Variants in KCND3 observed in about 807,000 individuals in gnomAD.
The protein encoded by KCND3 is A-type voltage-gated potassium channel KCND3.
A neutral mutation model predicts 51.1 loss-of-function variants in KCND3; 9 were observed. That is an observed-to-expected ratio of 0.18 (90% CI 0.11 to 0.31). KCND3 has a LOEUF of 0.31. Among genes scored for constraint, KCND3 ranks in the 10% least tolerant of loss-of-function variants. The pLI is 1.00. For missense variants in KCND3, 526 were observed against 903.8 expected (o/e 0.58, Z 5.36); for synonymous variants, 349 against 368.0 (o/e 0.95, Z 0.59).
intron 5 of KCND3, among the ~76,000 whole-genome samples, chr1:111,778,721 GC>G (rs1664244631): frequency 6.6e-6 from 1 of 151,348 alleles, no homozygotes; most frequent in Non-Finnish European, 1.5e-5. Context: ...CCAACATTCT[GC>G]CTCTCCTGTC....
chr1:111,948,894 A>G (rs1005060683), intron 2 of KCND3, among the ~76,000 whole-genome samples: 8 of 152,086 alleles, frequency 5.3e-5, no homozygotes, highest in African/African-American at 1.9e-4. Flanking sequence ...CAGAGAAGAG[A>G]GGGCAAGTCC....
chr1:111,873,605 T>C (rs2101720227), intron 2 of KCND3, among the ~76,000 whole-genome samples: 1 of 152,218 alleles, frequency 6.6e-6, no homozygotes, highest in Middle Eastern at 3.4e-3. Flanking sequence ...GTCTGTTATG[T>C]GCAGCTGCAG....
At chr1:111,942,886 T>C (rs999531006) in intron 2 of KCND3, among the ~76,000 whole-genome samples, 13 of 152,200 alleles carry the variant, frequency 8.5e-5, no homozygotes. Flanking sequence ...GAACTTGGAC[T>C]TCCCGGCCTT....
intron 2 of KCND3, among the ~76,000 whole-genome samples, chr1:111,946,173 G>A (rs1005221556): frequency 6.6e-6 from 1 of 152,212 alleles, no homozygotes; most frequent in Admixed American, 6.5e-5. Flanking sequence ...TCAAGGCTGT[G>A]GTGGGCCCAT....
chr1:111,832,077 T>A (rs1666858501), intron 2 of KCND3, among the ~76,000 whole-genome samples: 1 of 152,074 alleles, frequency 6.6e-6, no homozygotes, highest in African/African-American at 2.4e-5. Context: ...TTGCCTCCCA[T>A]CCCATTACCC....
At chr1:111,828,412 T>C (rs996722349) in intron 2 of KCND3, among the ~76,000 whole-genome samples, 2 of 152,306 alleles carry the variant, frequency 1.3e-5, no homozygotes, top group Middle Eastern at 3.4e-3. Context: ...AAAAAGAGTA[T>C]GTTTATACTA....
intron 2 of KCND3, among the ~76,000 whole-genome samples, chr1:111,806,840 C>T (rs767524890): frequency 4.8e-4 from 73 of 152,172 alleles, no homozygotes; most frequent in Non-Finnish European, 9.1e-4. Context: ...AGCTTCCCCA[C>T]CCAGCTCTAA....
At chr1:111,934,061 G>C (rs970624189) in intron 2 of KCND3, among the ~76,000 whole-genome samples, 1 of 152,182 alleles carries the variant, frequency 6.6e-6, no homozygotes, top group Non-Finnish European at 1.5e-5. Flanking sequence ...AAGGCCCTGG[G>C]GAAGGTGGTG....
At chr1:111,816,446 G>A (rs1666091778) in intron 2 of KCND3, among the ~76,000 whole-genome samples, 1 of 152,250 alleles carries the variant, frequency 6.6e-6, no homozygotes. Context: ...AACATCTGCA[G>A]AACCTGAAGA....
intron 2 of KCND3, among the ~76,000 whole-genome samples, chr1:111,944,757 C>T (rs550589599): frequency 2.6e-5 from 4 of 152,210 alleles, no homozygotes; most frequent in East Asian, 1.9e-4. Context: ...TTTTTGAACA[C>T]GTGAATATAT....
intron 2 of KCND3, among the ~76,000 whole-genome samples, chr1:111,849,687 G>A (rs11102348): frequency 1.3e-5 from 2 of 152,158 alleles, no homozygotes; most frequent in African/African-American, 2.4e-5. Context: ...TATATCTGTC[G>A]GGGTGGAGGG....
chr1:111,958,048 T>C (rs529409015), intron 2 of KCND3, among the ~76,000 whole-genome samples: 2 of 152,220 alleles, frequency 1.3e-5, no homozygotes, highest in East Asian at 3.9e-4. Flanking sequence ...CAGGAATCAC[T>C]AGTACTTTTC....
At chr1:111,870,149 T>C (rs1668767196) in intron 2 of KCND3, among the ~76,000 whole-genome samples, 1 of 152,132 alleles carries the variant, frequency 6.6e-6, no homozygotes, top group South Asian at 2.1e-4. Context: ...ATTTTAAAGA[T>C]GAAAAAACTG....
At chr1:111,947,210 C>T (rs9429614) in intron 2 of KCND3, among the ~76,000 whole-genome samples, 54,519 of 151,998 alleles carry the variant, frequency 0.36, 10,573 homozygotes, top group African/African-American at 0.43. Context: ...GGCTATATTC[C>T]AGGTTAGGTA....
chr1:111,772,804 A>C lies in KCND3; in HGVS notation c.*3273T>G, dbSNP rs1333102053. On this transcript the variant is annotated 3_prime_UTR_variant, in exon 8 of 8. Transcript: ENST00000302127. ...CCCCTCTTAATGCTGAGTGGGACTG[A>C]ATGGAATAGGTGGTTTTGGGAATAT... 2.0e-5 allele frequency: 3 copies of C among 152,188 alleles called. No homozygotes were observed. The highest frequency in any genetic ancestry group is 4.4e-5 in the Non-Finnish European group (3 of 68,040). 9.4% of individuals were successfully genotyped at this position (152,188 alleles called of 1,614,324 possible). A position where few individuals can be genotyped will look rare whatever the true frequency, so the allele number is the denominator to read the frequency against.
intron 2 of KCND3, among the ~76,000 whole-genome samples, chr1:111,930,249 G>A (rs373086891): frequency 9.9e-5 from 15 of 152,104 alleles, no homozygotes; most frequent in Admixed American, 3.9e-4. Context: ...GGGCATCCCT[G>A]TGTTAGTAGT....
Position 111,775,991 on chromosome 1 carries a change from G to T in KCND3, c.*86C>A. On this transcript the variant is annotated 3_prime_UTR_variant, in exon 8 of 8. Transcript: ENST00000302127. The stretch of plus-strand genomic sequence containing the variant: ...GCAGGCAGAAATAGTGGGGAAAGGG[G>T]GGAGGGAGTGGTCTCAGTGACCACC... 7.3e-7 allele frequency: 1 copy of T among 1,373,418 alleles called. No individual in the cohort carries two copies. The highest frequency in any genetic ancestry group is 1.0e-6 in the Non-Finnish European group (1 of 963,322). 85.1% of individuals were successfully genotyped at this position (1,373,418 alleles called of 1,614,324 possible).
intron 2 of KCND3, among the ~76,000 whole-genome samples, chr1:111,980,013 A>T (rs1197718221): frequency 1.3e-5 from 2 of 152,148 alleles, no homozygotes; most frequent in Non-Finnish European, 2.9e-5. Flanking sequence ...CCCTTCAGGA[A>T]GGTGAAGGGA....
At chr1:111,899,245 A>G (rs1670267912) in intron 2 of KCND3, among the ~76,000 whole-genome samples, 1 of 152,214 alleles carries the variant, frequency 6.6e-6, no homozygotes, top group South Asian at 2.1e-4. Flanking sequence ...CCTGATAGTA[A>G]CACTGATCCC....
Sources: gnomAD v4.1 joint callset for allele counts (sites outside exome capture counted in the v4.1 genomes callset) on GRCh38, gnomAD v4.1.1 for gene constraint, MANE v1.5 for transcripts, NCBI Gene and HGNC (gene_info 2026-07-23, HGNC 2026-07-21) for gene names.